The following CASKIN2 variants were observed in gnomAD, a reference collection of about 807,000 sequenced individuals.
CASKIN2 encodes the protein caskin-2.
Under a neutral mutation model 107.1 loss-of-function variants are expected in CASKIN2, and 41 were observed. The observed-to-expected ratio is 0.38, with a 90% confidence interval of 0.30 to 0.50. The LOEUF (loss-of-function observed/expected upper bound fraction) is 0.50, where lower values mean the gene tolerates loss of function less well. Among genes scored for constraint, CASKIN2 ranks in the 20% least tolerant of loss-of-function variants. CASKIN2 has a pLI of 0.92. For synonymous variants in CASKIN2, 724 were observed against 705.6 expected, an observed-to-expected ratio of 1.03 and a Z score of -0.41; for missense variants, 1,546 against 1,657.4, an observed-to-expected ratio of 0.93 and a Z score of 1.17.
chr17:75,511,450 T>A (rs2053315139), intron 2 of CASKIN2, among the ~76,000 whole-genome samples: 1 of 152,204 alleles, frequency 6.6e-6, no homozygotes, highest in African/African-American at 2.4e-5. Context: ...TATGGCTGTG[T>A]GACTTTAGGC....
chr17:75,513,405 A>T (rs1043334243), intron 2 of CASKIN2, among the ~76,000 whole-genome samples: 2 of 152,202 alleles, frequency 1.3e-5, no homozygotes, highest in African/African-American at 2.4e-5. Flanking sequence ...AGATCCTGCC[A>T]CTGTACTCCA....
intron 2 of CASKIN2, among the ~76,000 whole-genome samples, chr17:75,510,650 G>T (rs2069500786): frequency 6.6e-6 from 1 of 152,028 alleles, no homozygotes; most frequent in African/African-American, 2.4e-5. Flanking sequence ...GAGTGTAGTG[G>T]CACGATCTCG....
At position 75,502,006 on chromosome 17, in the gene CASKIN2, G is replaced by C. The variant is rs764163710; in HGVS notation, c.3068C>G (p.Pro1023Arg). The change falls in exon 18 of 20, where the codon CCT (proline) becomes CGT (arginine). Residue 1023 changes from proline to arginine, a missense_variant. Around this residue, in one of 6 missense-constraint regions of CASKIN2, gnomAD observed 1,311 missense variants for 1,311.0 expected, o/e 1.00. Transcript: ENST00000321617. The surrounding 1 kb of genome is among the most constrained non-coding windows in gnomAD (Gnocchi z 4.3). ...AGGAGACTCGCCAGGAGTTGGGGAA[G>C]GCAGTGGGGCAGCGGGGCCAGGCGT... ...SATPGPAAPL[P>R]SPTPGESPPA... The C allele has an allele frequency of 6.2e-7, 1 of 1,612,714 alleles. No homozygotes were observed. The highest frequency in any genetic ancestry group is 1.1e-5 in the South Asian group (1 of 91,056).
In CASKIN2 at chr17:75,507,567, G is replaced by A. The variant is rs750132524; in HGVS notation, c.244+17C>T. The A allele has an allele frequency of 6.3e-7, 1 of 1,599,206 alleles. No homozygotes were observed. The highest frequency in any genetic ancestry group is 1.1e-5 in the South Asian group (1 of 90,708). ...TACCTGCCCAGGGTGGGGGTCGGGGGCACATGGGGGTCTCACCATTGCTGT... is the reference window on the plus strand; with the variant it reads ...TACCTGCCCAGGGTGGGGGTCGGGGACACATGGGGGTCTCACCATTGCTGT... On this transcript the variant is annotated intron_variant, in intron 4 of 19. Coordinates refer to ENST00000321617, the MANE Select transcript of CASKIN2 (RefSeq NM_020753.5).
rs1201917085 is a variant in CASKIN2 at position 75,502,231 on chromosome 17, T to TC, written c.2842dup (p.Glu948GlyfsTer44). On this transcript the variant is annotated frameshift_variant, in exon 18 of 20. Transcript: ENST00000321617. LOFTEE classifies it high-confidence loss of function. The surrounding 1 kb of genome is among the most constrained non-coding windows in gnomAD (Gnocchi z 4.3). ...CCCTTCCTCTGCAAACGGCAGCCCT[T>TC]CCCCAGAGCTGCCCCGAGATGGGGG... 1 of 1,578,050 alleles carries TC rather than the reference T, an allele frequency of 6.3e-7. No homozygotes were observed. Among genetic ancestry groups the TC allele is most frequent in the African/African-American group, 1.3e-5 (1 of 74,314 alleles).
At chr17:75,509,784 A>C in intron 2 of CASKIN2, 2 of 985,560 alleles carry the variant, frequency 2.0e-6, no homozygotes, top group Non-Finnish European at 2.4e-6. Context: ...AGCACCCTTC[A>C]AGCTGCCCAC....
intron 2 of CASKIN2, chr17:75,509,873 G>A (rs1238830864): frequency 3.4e-5 from 34 of 985,658 alleles, no homozygotes; most frequent in Admixed American, 1.2e-4. Flanking sequence ...AGTCCCTCCC[G>A]AGAGGAGCAG....
chr17:75,501,182 G>T lies in CASKIN2; in HGVS notation c.3519-12C>A. On this transcript the variant is annotated splice_polypyrimidine_tract_variant and intron_variant, in intron 19 of 19. Coordinates refer to ENST00000321617, the MANE Select transcript of CASKIN2 (RefSeq NM_020753.5). The stretch of plus-strand genomic sequence containing the variant: ...AGGCGCTGGGGGTGCTGCAGCAAGG[G>T]GAAGGATGCGGTCAGATCAGCCAGT... 6.4e-7 allele frequency: 1 copy of T among 1,572,006 alleles called. No individual in the cohort carries two copies. The highest frequency in any genetic ancestry group is 8.6e-7 in the Non-Finnish European group (1 of 1,158,590).
Position 75,505,321 on chromosome 17 carries a change from G to T in CASKIN2, c.930+236C>A. 1.6e-6 allele frequency: 1 copy of T among 624,858 alleles called. No homozygotes were observed. Among genetic ancestry groups the T allele is most frequent in the Non-Finnish European group, 2.8e-6 (1 of 357,290 alleles). 38.7% of individuals were successfully genotyped at this position (624,858 alleles called of 1,614,324 possible). On this transcript the variant is annotated intron_variant, in intron 10 of 19. Transcript: ENST00000321617. This position sits in a 1 kb window ranked among gnomAD's most constrained non-coding sequence, Gnocchi z 5.1. ...CAAATCACAGCTCCACTACTTGCTA[G>T]CTGTGTGACCTTGGGCAAGTCACTT...
chr17:75,507,685 A>C lies in CASKIN2; in HGVS notation c.147-4T>G. The C allele has an allele frequency of 6.2e-7, 1 of 1,609,014 alleles. No individual in the cohort carries two copies. Among genetic ancestry groups the C allele is most frequent in the Non-Finnish European group, 8.5e-7 (1 of 1,176,838 alleles). ...AGCGTGGTGGAGGGCAGAGAATCTG[A>C]TGTGGGAGGACACAAAGTTAGGGGT... On this transcript the variant is annotated splice_polypyrimidine_tract_variant and splice_region_variant and intron_variant, in intron 3 of 19. Transcript: ENST00000321617.
chr17:75,505,838 A>T lies in CASKIN2; in HGVS notation c.818T>A (p.Ile273Asn). 6.2e-7 allele frequency: 1 copy of T among 1,613,032 alleles called. No individual in the cohort carries two copies. Among genetic ancestry groups the T allele is most frequent in the Non-Finnish European group, 8.5e-7 (1 of 1,179,900 alleles). ...GCACTCACCCCGCAGTAGCTGCTTG[A>T]TTTCCCGGCTGGCCTGGGAGGTGGT... ...QFTTSQASRE[I>N]KQLLREASGI... Residue 273 changes from isoleucine (I) to asparagine (N), a missense_variant, in exon 9 of 20, where the codon ATC becomes AAC. By Grantham distance (149) the Ile-to-Asn change is moderately radical. Coordinates refer to ENST00000321617, the MANE Select transcript of CASKIN2 (RefSeq NM_020753.5). This position sits in a 1 kb window ranked among gnomAD's most constrained non-coding sequence, Gnocchi z 5.1.
At chr17:75,507,273 G>A in intron 4 of CASKIN2, 144 bp from the exon 5 acceptor site, 2 of 1,003,158 alleles carry the variant, frequency 2.0e-6, no homozygotes, top group Non-Finnish European at 2.8e-6. Context: ...GTGTGCTTAG[G>A]AAGAGGTTCG....
chr17:75,503,376 G>C lies in CASKIN2; in HGVS notation c.1819+13C>G. Reference sequence around the variant, plus strand: ...CAGGTGGGGGCCCAGCCAGGCCTCAGGACAGTCCTTACCGAGCTTGTTGAC... The same window carrying C: ...CAGGTGGGGGCCCAGCCAGGCCTCACGACAGTCCTTACCGAGCTTGTTGAC... On this transcript the variant is annotated intron_variant, in intron 17 of 19. Coordinates refer to ENST00000321617, the MANE Select transcript of CASKIN2 (RefSeq NM_020753.5). 1 of 1,610,444 alleles carries C rather than the reference G, an allele frequency of 6.2e-7. No individual in the cohort carries two copies. Among genetic ancestry groups the C allele is most frequent in the Non-Finnish European group, 8.5e-7 (1 of 1,178,338 alleles).
At chr17:75,507,802 C>G (rs1278719689) in intron 3 of CASKIN2, 121 bp from the exon 4 acceptor site, 3 of 716,060 alleles carry the variant, frequency 4.2e-6, no homozygotes, top group Non-Finnish European at 7.1e-6. Context: ...CCCCCCCAAC[C>G]CCAGCAGCCC....
In CASKIN2 at chr17:75,506,914, G is replaced by A; in HGVS notation, c.391-20C>T. 1.2e-6 allele frequency: 2 copies of A among 1,611,384 alleles called. No homozygotes were observed. Among genetic ancestry groups the A allele is most frequent in the Non-Finnish European group, 1.7e-6 (2 of 1,178,736 alleles). ...TTCTGACTGGGGTTGGGGGAGCCGAGTGAGGGGGCCTGGCCTGTCCGGCAC... is the reference window on the plus strand; with the variant it reads ...TTCTGACTGGGGTTGGGGGAGCCGAATGAGGGGGCCTGGCCTGTCCGGCAC... On this transcript the variant is annotated intron_variant, in intron 5 of 19. Coordinates refer to ENST00000321617, the MANE Select transcript of CASKIN2 (RefSeq NM_020753.5). This position sits in a 1 kb window ranked among gnomAD's most constrained non-coding sequence, Gnocchi z 4.8.
In CASKIN2 at chr17:75,505,398, G is replaced by A; in HGVS notation, c.930+159C>T. On this transcript the variant is annotated intron_variant, in intron 10 of 19. Transcript: ENST00000321617. The surrounding 1 kb of genome is among the most constrained non-coding windows in gnomAD (Gnocchi z 5.1). The stretch of plus-strand genomic sequence containing the variant: ...AATTCTCAATTTTGTCATCTGTAAA[G>A]AAGAAATGCTAACAGCACTGCCTTC... 5.6e-6 allele frequency: 4 copies of A among 718,804 alleles called. No homozygotes were observed. Among genetic ancestry groups the A allele is most frequent in the Non-Finnish European group, 9.6e-6 (4 of 417,912 alleles). The allele number at this position is 718,804 out of a possible 1,614,324, so 44.5% of individuals were successfully genotyped here.
chr17:75,503,276 GC>G (rs756278706), intron 17 of CASKIN2, 22 bp from the exon 18 acceptor site: 31 of 1,575,150 alleles, frequency 2.0e-5, no homozygotes, highest in Non-Finnish European at 2.4e-5. Context: ...GACGGAAGTG[GC>G]AAGGTTAGCT....
In CASKIN2 at chr17:75,500,673, T is replaced by C. The variant is rs2146972928; in HGVS notation, c.*407A>G. On this transcript the variant is annotated 3_prime_UTR_variant, in exon 20 of 20. Transcript: ENST00000321617. The stretch of plus-strand genomic sequence containing the variant: ...ACGCCTCCTCCAGCCTCTCAGGGCC[T>C]GGGCAGGATGGTGGGTGGCAAGAGG... 4.2e-6 allele frequency: 1 copy of C among 237,996 alleles called. No homozygotes were observed. Among genetic ancestry groups the C allele is most frequent in the South Asian group, 4.7e-5 (1 of 21,190 alleles). The allele number at this position is 237,996 out of a possible 1,614,324, so 14.7% of individuals were successfully genotyped here. A position where few individuals can be genotyped will look rare whatever the true frequency, so the allele number is the denominator to read the frequency against.
intron 4 of CASKIN2, 35 bp from the exon 5 acceptor site, chr17:75,507,164 G>C: frequency 6.3e-7 from 1 of 1,588,420 alleles, no homozygotes; most frequent in Non-Finnish European, 8.5e-7. Context: ...GGGAGGTCCT[G>C]GGACGGCGTT....
Sources: allele counts gnomAD v4.1 joint callset (sites outside exome capture counted in the v4.1 genomes callset), GRCh38; gene constraint gnomAD v4.1.1; regional missense constraint gnomAD v4.1.1; non-coding constraint Gnocchi (gnomAD v3.1); transcripts MANE v1.5; gene names NCBI Gene and HGNC (gene_info 2026-07-23, HGNC 2026-07-21).